Variants in TSPAN9 observed in about 807,000 individuals in gnomAD.
TSPAN9 encodes the protein tetraspanin 9.
Under a neutral mutation model 31.0 loss-of-function variants are expected in TSPAN9, and 16 were observed. The ratio of observed to expected loss-of-function variants is 0.52; its 90% CI spans 0.35 to 0.78. TSPAN9 has a LOEUF of 0.78. TSPAN9 is among the 30% of genes least tolerant of loss of function. The pLI, the probability that TSPAN9 is intolerant of heterozygous loss-of-function variation, is 0.01. For synonymous variants in TSPAN9, 145 were observed against 121.6 expected, an observed-to-expected ratio of 1.19 and a Z score of -1.27; for missense variants, 272 against 312.5, an observed-to-expected ratio of 0.87 and a Z score of 0.98.
intron 3 of TSPAN9, among the ~76,000 whole-genome samples, chr12:3,233,750 C>A (rs1019617116): frequency 6.6e-6 from 1 of 152,190 alleles, no homozygotes; most frequent in Non-Finnish European, 1.5e-5. Flanking sequence ...AATAATAGTT[C>A]CTCTATGGCA....
chr12:3,106,507 C>T (rs551284327), intron 2 of TSPAN9, among the ~76,000 whole-genome samples: 3 of 152,260 alleles, frequency 2.0e-5, no homozygotes, highest in South Asian at 2.1e-4. Flanking sequence ...TGGTGGCTCA[C>T]GCCTGTAATC....
chr12:3,213,433 C>A (rs1230657966), intron 3 of TSPAN9, among the ~76,000 whole-genome samples: 2 of 101,626 alleles, frequency 2.0e-5, no homozygotes, highest in African/African-American at 6.8e-5. Flanking sequence ...TGGGCAGGAG[C>A]TCTTTATGTC....
At chr12:3,201,365 A>G (rs999768709) in intron 3 of TSPAN9, 109 bp downstream of exon 3, 4 of 1,086,116 alleles carry the variant, frequency 3.7e-6, no homozygotes, top group Non-Finnish European at 5.4e-6. Flanking sequence ...CTCTCTGCAC[A>G]GTGGTAAGTG....
At chr12:3,180,556 A>G (rs1327763442) in intron 2 of TSPAN9, among the ~76,000 whole-genome samples, 1 of 152,220 alleles carries the variant, frequency 6.6e-6, no homozygotes, top group African/African-American at 2.4e-5. Flanking sequence ...GCAGTTTGAA[A>G]AGCATGGATT....
intron 2 of TSPAN9, among the ~76,000 whole-genome samples, chr12:3,169,057 G>A (rs1284247260): frequency 6.6e-6 from 1 of 152,180 alleles, no homozygotes; most frequent in Non-Finnish European, 1.5e-5. Flanking sequence ...GAGACTATGG[G>A]GCAGCCAGAG....
intron 2 of TSPAN9, among the ~76,000 whole-genome samples, chr12:3,111,771 C>T (rs957404716): frequency 3.9e-5 from 6 of 151,966 alleles, no homozygotes; most frequent in Admixed American, 3.9e-4. Context: ...AATTCCACAC[C>T]TGGCTAATTT....
rs1028429659 is a variant in TSPAN9, at chr12:3,107,294, G to A, written c.-18+23575G>A. Reference sequence around the variant, plus strand: ...ATCCTTGACTGTTTCTTCTGACCTCGAAATCCAGCGAGTGAAAATCTGCGT... The same window carrying A: ...ATCCTTGACTGTTTCTTCTGACCTCAAAATCCAGCGAGTGAAAATCTGCGT... On this transcript the variant is annotated intron_variant, in intron 2 of 8. Coordinates refer to ENST00000011898, the MANE Select transcript of TSPAN9 (RefSeq NM_006675.5). This position sits in a 1 kb window ranked among gnomAD's most constrained non-coding sequence, Gnocchi z 4.1. Among the ~76,000 whole-genome samples the A allele has an allele frequency of 3.3e-5, 5 of 152,184 alleles. No homozygotes were observed. Among genetic ancestry groups the A allele is most frequent in the Admixed American group, 6.5e-5 (1 of 15,284 alleles).
intron 2 of TSPAN9, among the ~76,000 whole-genome samples, chr12:3,109,299 T>TGAGAGA (rs150191079): frequency 8.5e-6 from 1 of 118,304 alleles, no homozygotes; most frequent in African/African-American, 4.6e-5. Flanking sequence ...TGTGTGTGTG[T>TGAGAGA]GAGAGAGAGT....
At chr12:3,178,113 G>C (rs878962) in intron 2 of TSPAN9, among the ~76,000 whole-genome samples, 1 of 151,928 alleles carries the variant, frequency 6.6e-6, no homozygotes, top group Non-Finnish European at 1.5e-5. Flanking sequence ...CCCGCTGTAT[G>C]CTTTTGTATC....
At chr12:3,118,536 C>A (rs6416314) in intron 2 of TSPAN9, among the ~76,000 whole-genome samples, 56,123 of 151,644 alleles carry the variant, frequency 0.37, 11,471 homozygotes, top group Admixed American at 0.5. Flanking sequence ...GTTGGGATTA[C>A]AGGCATGAGC....
At chr12:3,189,568 T>C (rs904852756) in intron 2 of TSPAN9, among the ~76,000 whole-genome samples, 7 of 152,260 alleles carry the variant, frequency 4.6e-5, no homozygotes, top group African/African-American at 1.4e-4. Context: ...AGACCTGGGC[T>C]GGAGCAACCT....
chr12:3,260,157 G>T (rs10848837), intron 3 of TSPAN9, among the ~76,000 whole-genome samples: 19,576 of 152,314 alleles, frequency 0.13, 1,489 homozygotes, highest in African/African-American at 0.19. Context: ...CGCTCAACGG[G>T]AGTCAGATGG....
chr12:3,185,596 T>C (rs1296000696), intron 2 of TSPAN9, among the ~76,000 whole-genome samples: 1 of 152,192 alleles, frequency 6.6e-6, no homozygotes, highest in Non-Finnish European at 1.5e-5. Context: ...GTGAGTTTGC[T>C]TCCCTACCTC....
At chr12:3,239,863 T>G (rs942500833) in intron 3 of TSPAN9, among the ~76,000 whole-genome samples, 2 of 151,542 alleles carry the variant, frequency 1.3e-5, no homozygotes, top group African/African-American at 4.9e-5. Flanking sequence ...CAGCTGGGGA[T>G]GTGGAAATTT....
intron 2 of TSPAN9, among the ~76,000 whole-genome samples, chr12:3,099,129 C>T (rs904304879): frequency 2.6e-5 from 4 of 151,468 alleles, no homozygotes; most frequent in Non-Finnish European, 5.9e-5. Flanking sequence ...TTTCCATCTC[C>T]ACTTCCCTCT....
intron 3 of TSPAN9, among the ~76,000 whole-genome samples, chr12:3,210,985 A>G (rs761635450): frequency 2.0e-5 from 3 of 151,996 alleles, no homozygotes; most frequent in Admixed American, 1.3e-4. Flanking sequence ...GGCTCAAGCA[A>G]TCCTTCTGCC....
intron 2 of TSPAN9, among the ~76,000 whole-genome samples, chr12:3,141,318 A>C (rs2098334736): frequency 1.3e-5 from 2 of 152,170 alleles, no homozygotes; most frequent in South Asian, 4.1e-4. Context: ...GAGAGCACAC[A>C]GGGATCTTAA....
chr12:3,285,600 C>G lies in TSPAN9; in HGVS notation c.*2484C>G, dbSNP rs373078334. The G allele has an allele frequency of 6.6e-6, 1 of 152,350 alleles. No individual in the cohort carries two copies. Among genetic ancestry groups the G allele is most frequent in the South Asian group, 2.1e-4 (1 of 4,828 alleles). The allele number at this position is 152,350 out of a possible 1,614,324, so 9.4% of individuals were successfully genotyped here. On this transcript the variant is annotated 3_prime_UTR_variant, in exon 9 of 9. Transcript: ENST00000011898. Reference sequence around the variant, plus strand: ...TGGGTGTTCCTTCGAGCCCCTTCCACTCAGAGGGCCACACCCAGCGATGCC... The same window carrying G: ...TGGGTGTTCCTTCGAGCCCCTTCCAGTCAGAGGGCCACACCCAGCGATGCC...
At chr12:3,201,400 GC>G (rs1450579160) in intron 3 of TSPAN9, 144 bp downstream of exon 3, 3 of 728,970 alleles carry the variant, frequency 4.1e-6, no homozygotes, top group African/African-American at 3.6e-5. Flanking sequence ...AATTGCCCCC[GC>G]CCCCCTTTCA....
Sources: gnomAD v4.1 joint callset for allele counts (sites outside exome capture counted in the v4.1 genomes callset) on GRCh38, gnomAD v4.1.1 for gene constraint, Gnocchi (gnomAD v3.1) non-coding constraint, MANE v1.5 for transcripts, NCBI Gene and HGNC (gene_info 2026-07-23, HGNC 2026-07-21) for gene names.